LAMA1: variants seen among roughly 807,000 people sequenced by gnomAD.
LAMA1 encodes laminin subunit alpha 1.
In LAMA1, 219 loss-of-function variants were observed where a neutral mutation model predicts 348.7. That is an observed-to-expected ratio of 0.63 (90% CI 0.56 to 0.70). The LOEUF is 0.70. Ranked by LOEUF, LAMA1 falls within the 30% of genes least tolerant of loss-of-function variation. LAMA1 has a pLI of 0.00. For missense variants in LAMA1, 3,744 were observed against 3,888.0 expected (o/e 0.96, Z 0.99); for synonymous variants, 1,487 against 1,491.0 (o/e 1.00, Z 0.06).
chr18:7,112,555 C>T (rs77012905), intron 1 of LAMA1, among the ~76,000 whole-genome samples: 2,289 of 151,792 alleles, frequency 0.015, 56 homozygotes, highest in African/African-American at 0.053. Context: ...ACCTATAGTA[C>T]CTTTTGCATT....
At position 6,999,949 on chromosome 18, in the gene LAMA1, G is replaced by A. The variant is rs377102013; in HGVS notation, c.4431C>T (p.Asp1477=). 3.1e-5 allele frequency: 50 copies of A among 1,614,078 alleles called. No individual in the cohort carries two copies. The highest frequency in any genetic ancestry group is 2.6e-4 in the South Asian group (24 of 91,088). ...TTCCTTCATAGCCCAGGAGACAGGC[G>A]TCACAACGGAAATCGTGGTCCCCTT... ...VLEGDHDFRC[D]ACLLGYEGKH... Residue 1477 remains aspartate (D), a synonymous_variant, in exon 31 of 63, where the codon GAC becomes GAT. Transcript: ENST00000389658.
intron 1 of LAMA1, among the ~76,000 whole-genome samples, chr18:7,108,350 A>T (rs2058322434): frequency 6.6e-6 from 1 of 151,898 alleles, no homozygotes; most frequent in Admixed American, 6.6e-5. Context: ...TCTCAAAAAA[A>T]TAAATATAAA....
At chr18:6,970,315 C>G (rs538053636) in intron 48 of LAMA1, among the ~76,000 whole-genome samples, 6 of 152,300 alleles carry the variant, frequency 3.9e-5, no homozygotes, top group African/African-American at 1.2e-4. Context: ...ATCTACAAAG[C>G]AAAGCCACAT....
rs564820247 is a variant in LAMA1 at position 7,009,180 on chromosome 18, T to C, written c.4001+59A>G. 49 of 1,601,458 alleles carry C rather than the reference T, an allele frequency of 3.1e-5. 1 individual carries two copies. In the South Asian group the frequency reaches 3.7e-4, roughly 12 times the overall value. On this transcript the variant is annotated intron_variant, in intron 27 of 62. Coordinates refer to ENST00000389658, the MANE Select transcript of LAMA1 (RefSeq NM_005559.4). ...GTAATGGAAGTGAAGTGAGTCAAAT[T>C]CTTTCAGTTTGCTTTCAAATATGAA...
chr18:7,059,788 C>T (rs2058095711), intron 3 of LAMA1, among the ~76,000 whole-genome samples: 1 of 152,166 alleles, frequency 6.6e-6, no homozygotes, highest in African/African-American at 2.4e-5. Context: ...TGAATGAAGG[C>T]ATGTTTTCTC....
Position 6,975,364 on chromosome 18 carries a change from T to C in LAMA1, c.6490-328A>G, listed in dbSNP as rs911911813. 3.9e-5 allele frequency among the ~76,000 whole-genome samples: 6 copies of C among 152,154 alleles called. No homozygotes were observed. In the East Asian group the frequency reaches 7.7e-4, roughly 20 times the overall value. ...CAGGGAAGGCACTGAGCTTGCTCCT[T>C]TGCCCAGTCTCCGAGGTAAGAAATG... On this transcript the variant is annotated intron_variant, in intron 45 of 62. Coordinates refer to ENST00000389658, the MANE Select transcript of LAMA1 (RefSeq NM_005559.4).
In LAMA1 at chr18:7,014,063, G is replaced by C. The variant is rs2057874218; in HGVS notation, c.3127-12C>G. 1 of 1,603,758 alleles carries C rather than the reference G, an allele frequency of 6.2e-7. No individual in the cohort carries two copies. The highest frequency in any genetic ancestry group is 8.5e-7 in the Non-Finnish European group (1 of 1,171,106). ...CTGCAATTGCAGGCCTGAGAGAAGG[G>C]AAAACCAACTCAATTAAAAAGGCAG... On this transcript the variant is annotated splice_polypyrimidine_tract_variant and intron_variant, in intron 22 of 62. Coordinates refer to ENST00000389658, the MANE Select transcript of LAMA1 (RefSeq NM_005559.4).
chr18:7,067,796 C>G (rs2058128936), intron 3 of LAMA1, among the ~76,000 whole-genome samples: 2 of 152,018 alleles, frequency 1.3e-5, no homozygotes, highest in Non-Finnish European at 2.9e-5. Flanking sequence ...CCACCCTGCT[C>G]TTCCCTGCTG....
In LAMA1 at chr18:6,976,010, T is replaced by C. The variant is rs373330985; in HGVS notation, c.6416A>G (p.Tyr2139Cys). The change falls in exon 45 of 63, where the codon TAC becomes TGC. Residue 2139 changes from tyrosine (Y) to cysteine (C), a missense_variant. This residue lies in a region of LAMA1 where 1,983 missense variants were observed against 1,934.3 expected (regional missense o/e 1.03). Transcript: ENST00000389658. The part of the protein sequence containing the change: ...AYQPQISSTN[Y>C]NTLTLNVKTQ... ...CTTAACATTTAGTGTTAAGGTATTG[T>C]AGTTGGTAGAGGAAATCTGAGGCTG... 9.3e-6 allele frequency: 15 copies of C among 1,614,072 alleles called. No homozygotes were observed. In the African/African-American group the frequency reaches 1.9e-4, roughly 20 times the overall value.
At chr18:7,061,741 C>G (rs1164528292) in intron 3 of LAMA1, among the ~76,000 whole-genome samples, 1 of 152,144 alleles carries the variant, frequency 6.6e-6, no homozygotes, top group East Asian at 1.9e-4. Flanking sequence ...CATAAAAAAG[C>G]AAAACTGGAG....
chr18:7,043,268 T>C lies in LAMA1; in HGVS notation c.1114A>G (p.Asn372Asp), dbSNP rs775141107. 6.2e-7 allele frequency: 1 copy of C among 1,614,172 alleles called. No individual in the cohort carries two copies. Among genetic ancestry groups the C allele is most frequent in the South Asian group, 1.1e-5 (1 of 91,090 alleles). The change falls in exon 8 of 63, where the codon AAC (asparagine) becomes GAC (aspartate). Residue 372 changes from asparagine to aspartate, a missense_variant. Coordinates refer to ENST00000389658, the MANE Select transcript of LAMA1 (RefSeq NM_005559.4). ...INCLQNTMGINCETCIDGYYR... is the reference protein window; with the variant it reads ...INCLQNTMGIDCETCIDGYYR... Reference sequence around the variant, plus strand: ...TATCCATCAATACAGGTTTCACAGTTGATTCCCATGGTGTTCTGCAAGCAA... The same window carrying C: ...TATCCATCAATACAGGTTTCACAGTCGATTCCCATGGTGTTCTGCAAGCAA...
chr18:7,038,016 G>T (rs1488412401), intron 11 of LAMA1, among the ~76,000 whole-genome samples: 1 of 152,062 alleles, frequency 6.6e-6, no homozygotes, highest in Non-Finnish European at 1.5e-5. Flanking sequence ...AAAGGCCATG[G>T]GTATAGATTT....
intron 1 of LAMA1, among the ~76,000 whole-genome samples, chr18:7,103,131 AGGCC>A: frequency 6.6e-6 from 1 of 152,176 alleles, no homozygotes; most frequent in African/African-American, 2.4e-5. Flanking sequence ...ATGTGAGTGG[AGGCC>A]GGCCAGGCAC....
At position 7,016,595 on chromosome 18, in the gene LAMA1, C is replaced by T. The variant is rs1240387764; in HGVS notation, c.2885G>A (p.Gly962Asp). Reference protein sequence around the residue: ...NCSVAGSVSDGCTDEGQCHCV... With the variant: ...NCSVAGSVSDDCTDEGQCHCV... ...GTGACACTGGCCTTCATCCGTGCAG[C>T]CATCTGACACGGAGCCTGCCACGCT... Residue 962 changes from glycine (G) to aspartate (D), a missense_variant, in exon 21 of 63, where the codon GGC (glycine) becomes GAC (aspartate). Around this residue, in one of 3 missense-constraint regions of LAMA1, gnomAD observed 1,529 missense variants for 1,689.4 expected, o/e 0.91. Transcript: ENST00000389658. 6.2e-7 allele frequency: 1 copy of T among 1,614,054 alleles called. No individual in the cohort carries two copies. The highest frequency in any genetic ancestry group is 8.5e-7 in the Non-Finnish European group (1 of 1,180,048).
Position 7,023,359 on chromosome 18 carries a change from A to G in LAMA1, c.2506T>C (p.Tyr836His). The change falls in exon 19 of 63, where the codon TAT becomes CAT. Residue 836 changes from tyrosine (Y) to histidine (H), a missense_variant. Tyr to His is a moderately conservative substitution (Grantham distance 83). Transcript: ENST00000389658. ...AWCERCADGYYGNPTVPGESC... is the reference protein window; with the variant it reads ...AWCERCADGYHGNPTVPGESC... ...TCGCCAGGCACTGTTGGGTTTCCAT[A>G]GTAACCATCTGCACATCTGTATCAA... The G allele has an allele frequency of 6.2e-7, 1 of 1,614,140 alleles. No homozygotes were observed. The highest frequency in any genetic ancestry group is 2.2e-5 in the East Asian group (1 of 44,868).
chr18:7,093,368 A>G (rs1390895728), intron 1 of LAMA1, among the ~76,000 whole-genome samples: 1 of 152,090 alleles, frequency 6.6e-6, no homozygotes, highest in African/African-American at 2.4e-5. Flanking sequence ...GTGATCCAAG[A>G]TCGCGCCACT....
chr18:7,096,582 G>A (rs2058262066), intron 1 of LAMA1, among the ~76,000 whole-genome samples: 1 of 151,900 alleles, frequency 6.6e-6, no homozygotes, highest in South Asian at 2.1e-4. Flanking sequence ...TTGAGCCCAG[G>A]AGGTCAAGGC....
At position 7,015,702 on chromosome 18, in the gene LAMA1, G is replaced by A. The variant is rs930688573; in HGVS notation, c.3126+20C>T. The A allele has an allele frequency of 4.3e-6, 7 of 1,612,948 alleles. No homozygotes were observed. Among genetic ancestry groups the A allele is most frequent in the Non-Finnish European group, 5.9e-6 (7 of 1,179,900 alleles). On this transcript the variant is annotated intron_variant, in intron 22 of 62. Coordinates refer to ENST00000389658, the MANE Select transcript of LAMA1 (RefSeq NM_005559.4). ...CAAAGCAACTCTCAGTTAAGCAAGA[G>A]CGTGGATGACAGTGCTCACCTGGCA...
chr18:7,117,523 G>A lies in LAMA1; in HGVS notation c.61+137C>T, dbSNP rs1049966447. 4 of 830,154 alleles carry A rather than the reference G, an allele frequency of 4.8e-6. No individual in the cohort carries two copies. In the African/African-American group the frequency reaches 7.1e-5, roughly 15 times the overall value. The allele number at this position is 830,154 out of a possible 1,614,324, so 51.4% of individuals were successfully genotyped here. A position where few individuals can be genotyped will look rare whatever the true frequency, so the allele number is the denominator to read the frequency against. On this transcript the variant is annotated intron_variant, in intron 1 of 62. Transcript: ENST00000389658. ...CCGGCAAGCGCGGGAGACCCACGTG[G>A]CCGAGACACCCACTCCGAGGTGGAT...
Sources: allele counts gnomAD v4.1 joint callset (sites outside exome capture counted in the v4.1 genomes callset), GRCh38; gene constraint gnomAD v4.1.1; regional missense constraint gnomAD v4.1.1; transcripts MANE v1.5; gene names NCBI Gene and HGNC (gene_info 2026-07-23, HGNC 2026-07-21).